Variants in GSDMC observed in about 807,000 individuals in gnomAD.
The protein encoded by GSDMC is gasdermin C.
In GSDMC, 59 loss-of-function variants were observed where a neutral mutation model predicts 58.0. The ratio of observed to expected loss-of-function variants is 1.02; its 90% confidence interval spans 0.82 to 1.26. GSDMC has a LOEUF of 1.26. Among genes scored for constraint, GSDMC ranks in the 50% most tolerant of loss-of-function variants. The probability of loss-of-function intolerance (pLI) is 0.00; values close to 1 mark genes in which losing one functional copy is unlikely to be tolerated. For synonymous variants in GSDMC, 241 were observed against 220.2 expected (o/e 1.09, Z -0.83); for missense variants, 659 against 598.5 (o/e 1.10, Z -1.06).
intron 6 of GSDMC, among the ~76,000 whole-genome samples, chr8:129,753,689 G>A (rs2033314744): frequency 6.6e-6 from 1 of 152,192 alleles, no homozygotes; most frequent in Non-Finnish European, 1.5e-5. Context: ...GCACCAAGCA[G>A]GCTCTTGGGG....
At chr8:129,717,846 C>T in the GSDMC span, among the ~76,000 whole-genome samples, 1 of 152,050 alleles carries the variant, frequency 6.6e-6, no homozygotes, top group Admixed American at 6.6e-5. Flanking sequence ...TGGAACAGAA[C>T]AGAGGCCTCA....
intron 1 of GSDMC, among the ~76,000 whole-genome samples, chr8:129,784,021 G>T (rs1425665997): frequency 6.6e-6 from 1 of 152,018 alleles, no homozygotes; most frequent in Non-Finnish European, 1.5e-5. Flanking sequence ...AATGGTGCTG[G>T]GAAACCTGGA....
At chr8:129,761,780 T>G (rs1403697370) in intron 5 of GSDMC, among the ~76,000 whole-genome samples, 2 of 152,136 alleles carry the variant, frequency 1.3e-5, no homozygotes, top group Non-Finnish European at 2.9e-5. Flanking sequence ...GGTCAGTCTT[T>G]CCAGAAGCCA....
Position 129,748,232 on chromosome 8 carries a change from A to T in GSDMC, c.*269T>A, listed in dbSNP as rs1276482147. On this transcript the variant is annotated 3_prime_UTR_variant, in exon 14 of 14. Coordinates refer to ENST00000276708, the MANE Select transcript of GSDMC (RefSeq NM_031415.3). Reference sequence around the variant, plus strand: ...TTTGTTTTTATTATTTTGAAGTAAAATTTATACATAGTGAAACGCTTACGT... The same window carrying T: ...TTTGTTTTTATTATTTTGAAGTAAATTTTATACATAGTGAAACGCTTACGT... The T allele has an allele frequency of 7.5e-6, 2 of 266,712 alleles. No homozygotes were observed. Among genetic ancestry groups the T allele is most frequent in the Non-Finnish European group, 1.4e-5 (2 of 142,902 alleles). The allele number at this position is 266,712 out of a possible 1,614,324, so 16.5% of individuals were successfully genotyped here.
At chr8:129,712,242 C>A in the GSDMC span, among the ~76,000 whole-genome samples, 23 of 152,160 alleles carry the variant, frequency 1.5e-4, no homozygotes. Flanking sequence ...TCATTGAATA[C>A]ATTTCTACCT....
the GSDMC span, among the ~76,000 whole-genome samples, chr8:129,732,978 G>T: frequency 6.6e-6 from 1 of 152,248 alleles, no homozygotes; most frequent in Non-Finnish European, 1.5e-5. Context: ...TTTTCCAATG[G>T]TCTTAGCAAA....
At chr8:129,722,665 C>T in the GSDMC span, among the ~76,000 whole-genome samples, 5 of 152,236 alleles carry the variant, frequency 3.3e-5, no homozygotes, top group South Asian at 1.0e-3. Context: ...CCTAACAGAG[C>T]ACCTGGAAAA....
At chr8:129,782,975 CA>C (rs140155214) in intron 1 of GSDMC, among the ~76,000 whole-genome samples, 14,460 of 151,052 alleles carry the variant, frequency 0.096, 2,340 homozygotes, top group African/African-American at 0.33. Context: ...ACTAGGAAAC[CA>C]AATTCAACAA....
chr8:129,762,498 A>G, intron 5 of GSDMC, 128 bp downstream of exon 5: 2 of 712,542 alleles, frequency 2.8e-6, no homozygotes, highest in Non-Finnish European at 5.0e-6. Context: ...AGAAATGTGC[A>G]TGCTTCTCCT....
the GSDMC span, among the ~76,000 whole-genome samples, chr8:129,727,405 G>A: frequency 1.3e-5 from 2 of 152,174 alleles, no homozygotes; most frequent in South Asian, 2.1e-4. Context: ...CCAGGGAGGA[G>A]AACGCCGGCA....
At position 129,776,087 on chromosome 8, in the gene GSDMC, C is replaced by G. The variant is rs1402736110; in HGVS notation, c.404+15G>C. On this transcript the variant is annotated intron_variant, in intron 3 of 13. Transcript: ENST00000276708. ...GATACTGATGATCCATCCCCTTCCTCTCCCATGGCCTCACCTTTTTTGAAA... is the reference window on the plus strand; with the variant it reads ...GATACTGATGATCCATCCCCTTCCTGTCCCATGGCCTCACCTTTTTTGAAA... 1 of 1,599,748 alleles carries G rather than the reference C, an allele frequency of 6.3e-7. No homozygotes were observed. Among genetic ancestry groups the G allele is most frequent in the Non-Finnish European group, 8.5e-7 (1 of 1,170,988 alleles).
At chr8:129,719,300 G>A in the GSDMC span, among the ~76,000 whole-genome samples, 1 of 152,072 alleles carries the variant, frequency 6.6e-6, no homozygotes, top group East Asian at 1.9e-4. Context: ...ATAATAATAA[G>A]AGATCAATTC....
Position 129,765,692 on chromosome 8 carries a change from A to G in GSDMC, c.506T>C (p.Val169Ala), listed in dbSNP as rs2033831463. The change falls in exon 4 of 14, where the codon GTG becomes GCG. Residue 169 changes from valine (V) to alanine (A), a missense_variant. Coordinates refer to ENST00000276708, the MANE Select transcript of GSDMC (RefSeq NM_031415.3). ...TEAVELINNT[V>A]LYDSSSVNIL... ...ATTCACACTACTGCTATCGTACAGCACAGTATTGTTGATCAGTTCAACAGC... is the reference window on the plus strand; with the variant it reads ...ATTCACACTACTGCTATCGTACAGCGCAGTATTGTTGATCAGTTCAACAGC... 1.2e-6 allele frequency: 2 copies of G among 1,612,518 alleles called. No individual in the cohort carries two copies. Among genetic ancestry groups the G allele is most frequent in the Middle Eastern group, 1.7e-4 (1 of 6,054 alleles).
intron 3 of GSDMC, among the ~76,000 whole-genome samples, chr8:129,775,550 TG>T (rs2034197681): frequency 6.6e-6 from 1 of 152,170 alleles, no homozygotes; most frequent in Non-Finnish European, 1.5e-5. Flanking sequence ...GTAATAGATA[TG>T]TTAACTGACT....
At chr8:129,760,694 C>A in intron 5 of GSDMC, 105 bp from the exon 6 acceptor site, 1 of 669,346 alleles carries the variant, frequency 1.5e-6, no homozygotes, top group South Asian at 1.9e-5. Context: ...CCTGTTAAAT[C>A]TGACCACTGG....
chr8:129,743,498 A>G (rs2032906176), downstream of GSDMC, among the ~76,000 whole-genome samples: 1 of 152,120 alleles, frequency 6.6e-6, no homozygotes, highest in South Asian at 2.1e-4. Context: ...TATTTATAAT[A>G]AGCTGTTTTA....
At chr8:129,713,657 T>C in the GSDMC span, among the ~76,000 whole-genome samples, 1 of 151,986 alleles carries the variant, frequency 6.6e-6, no homozygotes, top group East Asian at 1.9e-4. Context: ...GAAATAAACA[T>C]GCGGTGAAGG....
At chr8:129,755,926 T>C (rs1302336240) in intron 6 of GSDMC, among the ~76,000 whole-genome samples, 2 of 146,838 alleles carry the variant, frequency 1.4e-5, no homozygotes, top group Non-Finnish European at 3.0e-5. Context: ...TCACCTTCAC[T>C]AAAAGGAAGG....
At chr8:129,781,403 T>C (rs2034403141) in intron 1 of GSDMC, among the ~76,000 whole-genome samples, 1 of 152,108 alleles carries the variant, frequency 6.6e-6, no homozygotes, top group African/African-American at 2.4e-5. Flanking sequence ...ACAAAATAGA[T>C]TTAGATTCAG....
Sources: allele counts gnomAD v4.1 joint callset (sites outside exome capture counted in the v4.1 genomes callset), GRCh38; gene constraint gnomAD v4.1.1; transcripts MANE v1.5; gene names NCBI Gene and HGNC (gene_info 2026-07-23, HGNC 2026-07-21).